SPATA22: variants seen among roughly 807,000 people sequenced by gnomAD.
The protein encoded by SPATA22 is spermatogenesis-associated protein 22.
SPATA22 carries 29 observed loss-of-function variants against 47.8 expected under a neutral mutation model. That is an observed-to-expected ratio of 0.61 (90% CI 0.45 to 0.83). The LOEUF (loss-of-function observed/expected upper bound fraction) is 0.83. SPATA22 is among the 40% of genes least tolerant of loss of function. The pLI is 0.00. For synonymous variants in SPATA22, 133 were observed against 140.9 expected (o/e 0.94, Z 0.40); for missense variants, 410 against 421.7 (o/e 0.97, Z 0.24).
At chr17:3,506,595 G>A (rs981645037) in intron 1 of SPATA22, among the ~76,000 whole-genome samples, 1 of 152,152 alleles carries the variant, frequency 6.6e-6, no homozygotes, top group South Asian at 2.1e-4. Flanking sequence ...ACATAAGAAA[G>A]CTCAAGAGCA....
intron 5 of SPATA22, among the ~76,000 whole-genome samples, chr17:3,458,996 A>AGGATTTTG (rs2073062620): frequency 6.6e-6 from 1 of 152,136 alleles, no homozygotes; most frequent in Non-Finnish European, 1.5e-5. Context: ...CATTTTTGAC[A>AGGATTTTG]ACATGGATGA....
At chr17:3,507,241 A>C (rs2074049357) in intron 1 of SPATA22, among the ~76,000 whole-genome samples, 1 of 152,234 alleles carries the variant, frequency 6.6e-6, no homozygotes. Flanking sequence ...GGTTTTAAAA[A>C]ATAAAACAGA....
exon 1 of SPATA22, chr17:3,513,600 G>A (rs1217715925): frequency 3.8e-6 from 1 of 263,176 alleles, no homozygotes; most frequent in Non-Finnish European, 7.3e-6. Flanking sequence ...ATCTCTCCCA[G>A]CCAAGCCGAC....
chr17:3,473,122 A>C (rs1172266778), upstream of SPATA22, among the ~76,000 whole-genome samples: 3 of 151,802 alleles, frequency 2.0e-5, no homozygotes, highest in East Asian at 1.9e-4. Flanking sequence ...AAAAAAAAAA[A>C]AAAAACCACC....
chr17:3,504,802 A>C (rs35321175), intron 1 of SPATA22, among the ~76,000 whole-genome samples: 1 of 151,930 alleles, frequency 6.6e-6, no homozygotes, highest in East Asian at 1.9e-4. Flanking sequence ...CAGATGATCC[A>C]CCCACCTCGG....
intron 3 of SPATA22, among the ~76,000 whole-genome samples, chr17:3,465,643 G>A (rs8082312): frequency 0.33 from 49,186 of 150,182 alleles, 10,322 homozygotes; most frequent in Non-Finnish European, 0.48. Flanking sequence ...CAAACACTGC[G>A]GAAGGCCGCA....
intron 1 of SPATA22, among the ~76,000 whole-genome samples, chr17:3,492,176 G>A (rs1404378630): frequency 2.0e-5 from 3 of 152,134 alleles, no homozygotes; most frequent in Non-Finnish European, 2.9e-5. Context: ...TGCGCCTGGC[G>A]AGACAGAAAT....
At chr17:3,476,530 T>C, upstream of SPATA22, 1 of 852,994 alleles carries the variant, frequency 1.2e-6, no homozygotes, top group Non-Finnish European at 1.9e-6. Flanking sequence ...ATAAGATCAC[T>C]TTCACTTTTA....
chr17:3,507,586 G>A (rs1383040659), intron 1 of SPATA22, among the ~76,000 whole-genome samples: 1 of 152,198 alleles, frequency 6.6e-6, no homozygotes, highest in African/African-American at 2.4e-5. Flanking sequence ...CTTGATACTA[G>A]ACTAACTAAA....
rs2073706821 is a variant in SPATA22, at chr17:3,485,741, C to T, written c.-73-16343G>A. Among the ~76,000 whole-genome samples the T allele has an allele frequency of 6.6e-6, 1 of 152,172 alleles. No homozygotes were observed. The highest frequency in any genetic ancestry group is 6.5e-5 in the Admixed American group (1 of 15,274). ...CCCGACTTACAAGCTAACCATTAGCCTAGCACCTCTGAGTGGATGCCAGTA... is the reference window on the plus strand; with the variant it reads ...CCCGACTTACAAGCTAACCATTAGCTTAGCACCTCTGAGTGGATGCCAGTA... On this transcript the variant is annotated intron_variant, in intron 1 of 8. Transcript: ENST00000541913. The surrounding 1 kb of genome is among the most constrained non-coding windows in gnomAD (Gnocchi z 4.4).
intron 3 of SPATA22, among the ~76,000 whole-genome samples, chr17:3,462,982 ATAATT>A (rs1229591621): frequency 6.6e-6 from 1 of 152,248 alleles, no homozygotes; most frequent in African/African-American, 2.4e-5. Context: ...TTAAGCAAAG[ATAATT>A]TAATCTGTAT....
chr17:3,494,179 A>G (rs891477158), intron 1 of SPATA22, among the ~76,000 whole-genome samples: 15 of 151,610 alleles, frequency 9.9e-5, no homozygotes, highest in African/African-American at 3.6e-4. Context: ...CAACCTGGGT[A>G]TTTTTAGTGG....
intron 7 of SPATA22, among the ~76,000 whole-genome samples, chr17:3,445,213 T>C (rs773974647): frequency 6.6e-6 from 1 of 152,154 alleles, no homozygotes; most frequent in Non-Finnish European, 1.5e-5. Flanking sequence ...TCTGACAGTA[T>C]TCTAGCTCTG....
At chr17:3,463,783 A>C (rs1423243236) in intron 3 of SPATA22, among the ~76,000 whole-genome samples, 1 of 152,192 alleles carries the variant, frequency 6.6e-6, no homozygotes, top group African/African-American at 2.4e-5. Context: ...ATTGACCAAA[A>C]CATGGTTATG....
intron 5 of SPATA22, among the ~76,000 whole-genome samples, chr17:3,457,827 T>A (rs1039713485): frequency 6.6e-6 from 1 of 152,212 alleles, no homozygotes; most frequent in South Asian, 2.1e-4. Flanking sequence ...CAACTCAACA[T>A]GGATTAAAGA....
chr17:3,486,733 G>A (rs2073729168), intron 1 of SPATA22, among the ~76,000 whole-genome samples: 1 of 152,098 alleles, frequency 6.6e-6, no homozygotes, highest in Admixed American at 6.6e-5. Flanking sequence ...AAGCAGGTTG[G>A]CAAACAATAT....
chr17:3,489,835 T>C (rs1208680196), intron 1 of SPATA22, among the ~76,000 whole-genome samples: 1 of 152,132 alleles, frequency 6.6e-6, no homozygotes, highest in Non-Finnish European at 1.5e-5. Flanking sequence ...AACACACCAA[T>C]CTTATTACCC....
At chr17:3,479,989 G>A (rs1178964794) in intron 1 of SPATA22, among the ~76,000 whole-genome samples, 1 of 152,068 alleles carries the variant, frequency 6.6e-6, no homozygotes, top group Non-Finnish European at 1.5e-5. Context: ...TGGCCCTTGT[G>A]CCAGAAAAAA....
chr17:3,490,144 C>T lies in SPATA22; in HGVS notation c.-73-20746G>A, dbSNP rs1314013159. On this transcript the variant is annotated intron_variant, in intron 1 of 8. Coordinates refer to the SPATA22 transcript ENST00000541913. The surrounding 1 kb of genome is among the most constrained non-coding windows in gnomAD (Gnocchi z 4.6). ...ACAGGGAAAGTCCTAGAAGAAAACA[C>T]ACCAAACTGATAACAATAGTTACCG... 6.6e-6 allele frequency among the ~76,000 whole-genome samples: 1 copy of T among 152,148 alleles called. No individual in the cohort carries two copies. The highest frequency in any genetic ancestry group is 2.4e-5 in the African/African-American group (1 of 41,424).
Sources: gnomAD v4.1 joint callset for allele counts (sites outside exome capture counted in the v4.1 genomes callset) on GRCh38, gnomAD v4.1.1 for gene constraint, Gnocchi (gnomAD v3.1) non-coding constraint, MANE v1.5 for transcripts, NCBI Gene and HGNC (gene_info 2026-07-23, HGNC 2026-07-21) for gene names.